The following PKP1 variants were observed in gnomAD, a reference collection of about 807,000 sequenced individuals.
PKP1 encodes the protein plakophilin-1.
Under a neutral mutation model 76.4 loss-of-function variants are expected in PKP1, and 27 were observed. The ratio of observed to expected loss-of-function variants is 0.35; its 90% confidence interval spans 0.26 to 0.49. The LOEUF (loss-of-function observed/expected upper bound fraction) is 0.49. Among genes scored for constraint, PKP1 ranks in the 20% least tolerant of loss-of-function variants. The probability of loss-of-function intolerance (pLI) is 0.99; values close to 1 mark genes in which losing one functional copy is unlikely to be tolerated. For missense variants in PKP1, 964 were observed against 955.2 expected (o/e 1.01, Z -0.12); for synonymous variants, 404 against 384.2 (o/e 1.05, Z -0.60).
At chr1:201,287,888 G>A (rs832170) in intron 1 of PKP1, among the ~76,000 whole-genome samples, 21,394 of 152,236 alleles carry the variant, frequency 0.14, 1,922 homozygotes, top group Non-Finnish European at 0.2. Context: ...ATGGACGAAT[G>A]TTAGATATCT....
In PKP1 at chr1:201,331,340, C is replaced by T. The variant is rs927955689; in HGVS notation, c.*1299C>T. On this transcript the variant is annotated 3_prime_UTR_variant, in exon 14 of 14. Transcript: ENST00000367324. ...TGAAACCCACAGGGGATGTGATAAACAGGGCTATTAGGGGTATCAGCCACG... is the reference window on the plus strand; with the variant it reads ...TGAAACCCACAGGGGATGTGATAAATAGGGCTATTAGGGGTATCAGCCACG... The T allele has an allele frequency of 2.6e-5, 4 of 152,244 alleles. No homozygotes were observed. The South Asian group carries it at 6.2e-4, about 24-fold the overall frequency. The allele number at this position is 152,244 out of a possible 1,614,324, so 9.4% of individuals were successfully genotyped here. A position where few individuals can be genotyped will look rare whatever the true frequency, so the allele number is the denominator to read the frequency against.
intron 2 of PKP1, among the ~76,000 whole-genome samples, chr1:201,312,154 C>T (rs1189778149): frequency 6.6e-6 from 1 of 152,352 alleles, no homozygotes; most frequent in East Asian, 1.9e-4. Context: ...CCCTAGCTCA[C>T]AGTCCCTTGT....
At chr1:201,285,673 G>A (rs1006078460) in intron 1 of PKP1, among the ~76,000 whole-genome samples, 3 of 152,314 alleles carry the variant, frequency 2.0e-5, no homozygotes, top group African/African-American at 7.2e-5. Context: ...TGAGCTCTTG[G>A]CTCACAACTC....
intron 9 of PKP1, 92 bp downstream of exon 9, chr1:201,323,281 C>G (rs929920564): frequency 1.7e-5 from 21 of 1,268,702 alleles, no homozygotes; most frequent in Non-Finnish European, 2.4e-5. Context: ...AGCCTGTCCC[C>G]TGACTTCGGA....
At chr1:201,316,121 T>TGGACGGATGGACGGACGGACGGACGGAC (rs1656722261) in intron 3 of PKP1, 4 of 136,102 alleles carry the variant, frequency 2.9e-5, no homozygotes, top group Non-Finnish European at 6.5e-5. Context: ...GATGGACGGA[T>TGGACGGATGGACGGACGGACGGACGGAC]GGACGGACGG....
intron 5 of PKP1, 86 bp downstream of exon 5, chr1:201,317,865 C>T: frequency 7.7e-7 from 1 of 1,301,384 alleles, no homozygotes. Context: ...AAGCCTGTCT[C>T]TCCAGGCTGG....
chr1:201,291,699 C>T (rs1239809359), intron 1 of PKP1, among the ~76,000 whole-genome samples: 2 of 152,222 alleles, frequency 1.3e-5, no homozygotes, highest in African/African-American at 2.4e-5. Context: ...CTGACCCACA[C>T]CTGACCTTTG....
Position 201,332,885 on chromosome 1 carries a change from G to C in PKP1, c.*2844G>C, listed in dbSNP as rs914666969. 5.3e-5 allele frequency: 8 copies of C among 152,258 alleles called. No homozygotes were observed. The highest frequency in any genetic ancestry group is 1.9e-4 in the African/African-American group (8 of 41,456). The allele number at this position is 152,258 out of a possible 1,614,324, so 9.4% of individuals were successfully genotyped here. A position where few individuals can be genotyped will look rare whatever the true frequency, so the allele number is the denominator to read the frequency against. Reference sequence around the variant, plus strand: ...ACCTTCCCCTTGCTTCATGTTTGTAGAGGAACCTTGTGCCGGCCAGGCCCA... The same window carrying C: ...ACCTTCCCCTTGCTTCATGTTTGTACAGGAACCTTGTGCCGGCCAGGCCCA... On this transcript the variant is annotated 3_prime_UTR_variant, in exon 14 of 14. Transcript: ENST00000367324.
At chr1:201,285,259 CA>C (rs1248336377) in intron 1 of PKP1, among the ~76,000 whole-genome samples, 3 of 141,022 alleles carry the variant, frequency 2.1e-5, no homozygotes, top group Non-Finnish European at 4.7e-5. Context: ...CACACACACA[CA>C]CACACCTCAC....
intron 2 of PKP1, among the ~76,000 whole-genome samples, chr1:201,309,352 G>C (rs2102169432): frequency 6.6e-6 from 1 of 152,158 alleles, no homozygotes; most frequent in South Asian, 2.1e-4. Flanking sequence ...CTAGCTAAAA[G>C]CAGCTTTTCC....
At chr1:201,312,575 C>T (rs1240501823) in intron 2 of PKP1, among the ~76,000 whole-genome samples, 1 of 152,214 alleles carries the variant, frequency 6.6e-6, no homozygotes, top group Non-Finnish European at 1.5e-5. Flanking sequence ...GCCTCAGGTG[C>T]CGACAGCACC....
At position 201,283,919 on chromosome 1, in the gene PKP1, C is replaced by T; in HGVS notation, c.202+15C>T. ...CTCCAATCGAGGTAAAGGCTCGGCC[C>T]CCGCGTGGTCCGTGCGCCCCTTTCC... On this transcript the variant is annotated intron_variant, in intron 1 of 13. Coordinates refer to ENST00000367324, the MANE Select transcript of PKP1 (RefSeq NM_001005337.3). 6.2e-7 allele frequency: 1 copy of T among 1,611,316 alleles called. No homozygotes were observed. Among genetic ancestry groups the T allele is most frequent in the South Asian group, 1.1e-5 (1 of 90,942 alleles).
At chr1:201,311,872 G>A (rs1056702182) in intron 2 of PKP1, among the ~76,000 whole-genome samples, 7 of 152,270 alleles carry the variant, frequency 4.6e-5, no homozygotes, top group African/African-American at 1.7e-4. Context: ...CCACCAGCTT[G>A]TGAGCTCCTG....
chr1:201,318,151 A>C (rs1656820664), intron 5 of PKP1, among the ~76,000 whole-genome samples: 1 of 152,226 alleles, frequency 6.6e-6, no homozygotes, highest in Non-Finnish European at 1.5e-5. Context: ...CCTGTGTTCA[A>C]GAAATATGGT....
intron 2 of PKP1, among the ~76,000 whole-genome samples, chr1:201,305,697 G>A (rs866791921): frequency 1.3e-5 from 2 of 152,128 alleles, no homozygotes; most frequent in South Asian, 2.1e-4. Context: ...GTGGCTCTGG[G>A]GCCAGCCAGC....
intron 1 of PKP1, among the ~76,000 whole-genome samples, chr1:201,289,501 T>A (rs948978803): frequency 6.6e-6 from 1 of 151,984 alleles, no homozygotes; most frequent in African/African-American, 2.4e-5. Context: ...GGAGGGAAAG[T>A]GGAAAAAGCG....
chr1:201,329,856 G>A (rs572479145), intron 13 of PKP1, among the ~76,000 whole-genome samples: 3 of 152,318 alleles, frequency 2.0e-5, no homozygotes, highest in Admixed American at 6.5e-5. Flanking sequence ...TGAGGAAGAC[G>A]GTGGGCAGGG....
chr1:201,302,706 G>A (rs1209232426), intron 2 of PKP1, among the ~76,000 whole-genome samples: 1 of 152,208 alleles, frequency 6.6e-6, no homozygotes, highest in African/African-American at 2.4e-5. Context: ...CGGGGGATCT[G>A]TAGAGACACA....
intron 10 of PKP1, 124 bp from the exon 11 acceptor site, chr1:201,324,817 C>A: frequency 9.0e-7 from 1 of 1,115,434 alleles, no homozygotes; most frequent in Non-Finnish European, 1.3e-6. Context: ...GCCAGGAAGC[C>A]CTGAGGGCCA....
Sources: allele counts gnomAD v4.1 joint callset (sites outside exome capture counted in the v4.1 genomes callset), GRCh38; gene constraint gnomAD v4.1.1; transcripts MANE v1.5; gene names NCBI Gene and HGNC (gene_info 2026-07-23, HGNC 2026-07-21).